IQGAP1: variants seen among roughly 807,000 people sequenced by gnomAD.
The protein encoded by IQGAP1 is IQ motif containing GTPase activating protein 1.
A neutral mutation model predicts 215.6 loss-of-function variants in IQGAP1; 66 were observed. The observed-to-expected ratio is 0.31, with a 90% CI of 0.25 to 0.38. The LOEUF (loss-of-function observed/expected upper bound fraction) is 0.38. IQGAP1 is among the 10% of genes least tolerant of loss of function. IQGAP1 has a pLI of 1.00. For synonymous variants in IQGAP1, 772 were observed against 728.7 expected (o/e 1.06, Z -0.96); for missense variants, 1,712 against 1,997.1 (o/e 0.86, Z 2.72).
At chr15:90,392,168 A>G (rs1288514002) in intron 2 of IQGAP1, among the ~76,000 whole-genome samples, 2 of 152,126 alleles carry the variant, frequency 1.3e-5, no homozygotes, top group Non-Finnish European at 2.9e-5. Context: ...ACTAACCTGT[A>G]TTTTGCATGC....
chr15:90,451,648 G>T (rs945166152), intron 11 of IQGAP1, among the ~76,000 whole-genome samples: 4 of 151,788 alleles, frequency 2.6e-5, no homozygotes, highest in African/African-American at 4.8e-5. Flanking sequence ...ATACCCTTAG[G>T]GTGATGTCAG....
chr15:90,489,079 A>C (rs1201232879), intron 33 of IQGAP1, among the ~76,000 whole-genome samples: 1 of 150,576 alleles, frequency 6.6e-6, no homozygotes, highest in East Asian at 1.9e-4. Flanking sequence ...GGGTCCTGGC[A>C]TTTTGTAGGG....
At chr15:90,446,035 C>T (rs898482431) in intron 9 of IQGAP1, among the ~76,000 whole-genome samples, 30 of 152,124 alleles carry the variant, frequency 2.0e-4, no homozygotes, top group African/African-American at 7.0e-4. Flanking sequence ...CAGAATAATC[C>T]ATTCAAGTGT....
chr15:90,456,308 A>G lies in IQGAP1; in HGVS notation c.1769A>G (p.Lys590Arg). ...ACGCTGATTAGAGCGAAGAGAGAGA[A>G]AGCCCAGGTGAGTGGCATCGGAATT... Reference protein sequence around the residue: ...QDTLIRAKREKAQEIQDESAV... With the variant: ...QDTLIRAKRERAQEIQDESAV... The change falls in exon 15 of 38, where the codon AAA becomes AGA. Residue 590 changes from lysine (K) to arginine (R), a missense_variant. Lys to Arg is a conservative substitution (Grantham distance 26). Transcript: ENST00000268182. 1 of 1,613,966 alleles carries G rather than the reference A, an allele frequency of 6.2e-7. No homozygotes were observed. The highest frequency in any genetic ancestry group is 1.3e-5 in the African/African-American group (1 of 75,038).
chr15:90,469,739 AG>A (rs1159778204), intron 18 of IQGAP1, among the ~76,000 whole-genome samples: 2 of 152,220 alleles, frequency 1.3e-5, no homozygotes, highest in Non-Finnish European at 2.9e-5. Flanking sequence ...TTAGCAGCTG[AG>A]GAAAAAAAGA....
chr15:90,421,337 G>C (rs932764397), intron 2 of IQGAP1, among the ~76,000 whole-genome samples: 2 of 152,048 alleles, frequency 1.3e-5, no homozygotes, highest in Non-Finnish European at 2.9e-5. Context: ...TTAGCCGGTT[G>C]TGGTGGCACA....
chr15:90,485,708 A>G (rs1966117160), intron 30 of IQGAP1, among the ~76,000 whole-genome samples: 1 of 152,142 alleles, frequency 6.6e-6, no homozygotes, highest in African/African-American at 2.4e-5. Context: ...CCAAAATGCT[A>G]GAATTACAGA....
At chr15:90,492,464 G>T in intron 34 of IQGAP1, 81 bp from the exon 35 acceptor site, 6 of 896,842 alleles carry the variant, frequency 6.7e-6, no homozygotes, top group Non-Finnish European at 8.0e-6. Context: ...ATTTAAGGCA[G>T]AGTTAAGCAT....
chr15:90,487,236 GT>G (rs1283018449), intron 32 of IQGAP1, 147 bp downstream of exon 32: 1 of 776,402 alleles, frequency 1.3e-6, no homozygotes, highest in East Asian at 2.6e-5. Flanking sequence ...CTCGCATATT[GT>G]ACTTGGTACA....
chr15:90,469,939 C>T (rs146831234), intron 18 of IQGAP1, among the ~76,000 whole-genome samples: 2 of 152,248 alleles, frequency 1.3e-5, no homozygotes, highest in East Asian at 3.9e-4. Context: ...CAGGTTGAAG[C>T]TTGAGGGCCT....
chr15:90,431,785 G>T (rs983601953), intron 4 of IQGAP1, among the ~76,000 whole-genome samples: 1 of 152,112 alleles, frequency 6.6e-6, no homozygotes, highest in Non-Finnish European at 1.5e-5. Flanking sequence ...TTGACAATAC[G>T]TATATGGTGT....
chr15:90,442,755 G>A lies in IQGAP1; in HGVS notation c.829-639G>A, dbSNP rs1965469466. 3.9e-5 allele frequency among the ~76,000 whole-genome samples: 6 copies of A among 152,086 alleles called. No homozygotes were observed. The South Asian group carries it at 8.3e-4, about 21-fold the overall frequency. The stretch of plus-strand genomic sequence containing the variant: ...AGGCCAAGGCGGGCAGATCACTTGA[G>A]GTTAGGAGTTTGAGACCAGCCTGGC... On this transcript the variant is annotated intron_variant, in intron 8 of 37. Coordinates refer to ENST00000268182, the MANE Select transcript of IQGAP1 (RefSeq NM_003870.4).
chr15:90,453,769 C>G (rs2151024130), intron 13 of IQGAP1, among the ~76,000 whole-genome samples: 1 of 152,286 alleles, frequency 6.6e-6, no homozygotes, highest in South Asian at 2.1e-4. Context: ...GTTCTAGTTG[C>G]TTTCTCATAT....
chr15:90,424,400 C>T (rs939638927), intron 2 of IQGAP1, among the ~76,000 whole-genome samples: 1 of 152,062 alleles, frequency 6.6e-6, no homozygotes, highest in Non-Finnish European at 1.5e-5. Context: ...TTAAGTTCTA[C>T]TATTTGAAAG....
chr15:90,441,410 T>G, intron 7 of IQGAP1, 96 bp from the exon 8 acceptor site: 1 of 1,035,534 alleles, frequency 9.7e-7, no homozygotes. Flanking sequence ...CTGTCTCTAA[T>G]GGGGGGTGCA....
At chr15:90,435,761 A>G (rs1403735525) in intron 5 of IQGAP1, among the ~76,000 whole-genome samples, 1 of 152,154 alleles carries the variant, frequency 6.6e-6, no homozygotes, top group Non-Finnish European at 1.5e-5. Flanking sequence ...TGAGAAAGAG[A>G]GGAAGTCTGC....
intron 2 of IQGAP1, among the ~76,000 whole-genome samples, chr15:90,414,206 G>T (rs1176624021): frequency 6.6e-6 from 1 of 151,926 alleles, no homozygotes; most frequent in African/African-American, 2.4e-5. Context: ...TGTAATCCCA[G>T]TACTTTGGGA....
intron 2 of IQGAP1, among the ~76,000 whole-genome samples, chr15:90,408,072 T>C (rs1350614463): frequency 6.6e-6 from 1 of 152,226 alleles, no homozygotes; most frequent in African/African-American, 2.4e-5. Context: ...GGTCAGGCGT[T>C]TCCCTTTCAA....
intron 17 of IQGAP1, 96 bp downstream of exon 17, chr15:90,466,532 C>T (rs1965833369): frequency 8.3e-7 from 1 of 1,202,422 alleles, no homozygotes; most frequent in African/African-American, 1.5e-5. Context: ...AGGGAAAGAC[C>T]TTTTAGCATA....
Sources: gnomAD v4.1 joint callset for allele counts (sites outside exome capture counted in the v4.1 genomes callset) on GRCh38, gnomAD v4.1.1 for gene constraint, MANE v1.5 for transcripts, NCBI Gene and HGNC (gene_info 2026-07-23, HGNC 2026-07-21) for gene names.